Variants in METTL9 observed in about 807,000 individuals in gnomAD.
The protein encoded by METTL9 is protein-L-histidine N-pros-methyltransferase.
A neutral mutation model predicts 36.0 loss-of-function variants in METTL9; 10 were observed. That is an observed-to-expected ratio of 0.28 (90% CI 0.17 to 0.47). The LOEUF (loss-of-function observed/expected upper bound fraction) is 0.47, where lower values mean the gene tolerates loss of function less well. Among genes scored for constraint, METTL9 ranks in the 20% least tolerant of loss-of-function variants. The probability of loss-of-function intolerance (pLI) is 0.99; values close to 1 mark genes in which losing one functional copy is unlikely to be tolerated. For missense variants in METTL9, 246 were observed against 383.5 expected (o/e 0.64, Z 3.00); for synonymous variants, 175 against 149.7 (o/e 1.17, Z -1.23).
intron 4 of METTL9, among the ~76,000 whole-genome samples, chr16:21,638,627 A>G (rs898153123): frequency 6.6e-6 from 1 of 152,224 alleles, no homozygotes; most frequent in African/African-American, 2.4e-5. Context: ...GAAACAGATA[A>G]TGGCAGGAAA....
intron 1 of METTL9, among the ~76,000 whole-genome samples, chr16:21,603,093 A>G (rs890773526): frequency 2.0e-5 from 3 of 152,042 alleles, no homozygotes; most frequent in Admixed American, 1.3e-4. Context: ...GGCTTCTTAC[A>G]GAATAAAGAC....
At chr16:21,641,440 A>G (rs926447978) in intron 4 of METTL9, 13 of 597,834 alleles carry the variant, frequency 2.2e-5, no homozygotes, top group Non-Finnish European at 3.7e-5. Flanking sequence ...GTTTACCTTT[A>G]TTTTTTTTTA....
Position 21,647,346 on chromosome 16 carries a change from C to A in METTL9, c.752-7881C>A, listed in dbSNP as rs771885163. 3.1e-6 allele frequency: 5 copies of A among 1,614,184 alleles called. No homozygotes were observed. The South Asian group carries it at 5.5e-5, about 18-fold the overall frequency. On this transcript the variant is annotated intron_variant, in intron 4 of 4. Coordinates refer to ENST00000358154, the MANE Select transcript of METTL9 (RefSeq NM_016025.5). The stretch of plus-strand genomic sequence containing the variant: ...AAGCACAGGTTCTCAGGCTGGTGAG[C>A]ACCGTAGCGAAACCACAGGCATGTT...
chr16:21,629,598 G>A (rs1201323708), intron 4 of METTL9, among the ~76,000 whole-genome samples: 1 of 152,092 alleles, frequency 6.6e-6, no homozygotes, highest in Non-Finnish European at 1.5e-5. Flanking sequence ...GGTCTTGCTG[G>A]CCTCAGGAGT....
chr16:21,598,373 G>C (rs1005571335), upstream of METTL9, among the ~76,000 whole-genome samples: 24 of 143,862 alleles, frequency 1.7e-4, 1 homozygote, highest in South Asian at 5.3e-3. Context: ...AAAAAAAAAA[G>C]CTGTTGGGTA....
At chr16:21,600,323 A>C (rs1567322642) in intron 1 of METTL9, among the ~76,000 whole-genome samples, 1 of 152,118 alleles carries the variant, frequency 6.6e-6, no homozygotes, top group Non-Finnish European at 1.5e-5. Context: ...ACAAAACGAA[A>C]AGCCAGCCCC....
chr16:21,605,502 C>A (rs191630064), intron 1 of METTL9, among the ~76,000 whole-genome samples: 89 of 151,812 alleles, frequency 5.9e-4, no homozygotes, highest in South Asian at 5.0e-3. Flanking sequence ...GCCTCAGTCT[C>A]CCAAAGTGCT....
chr16:21,619,587 ATTTTTTTT>A (rs35728063), intron 3 of METTL9, among the ~76,000 whole-genome samples: 3 of 124,224 alleles, frequency 2.4e-5, no homozygotes, highest in South Asian at 2.7e-4. Flanking sequence ...TGCCCGGCTA[ATTTTTTTT>A]TTTTTTTTTT....
intron 3 of METTL9, among the ~76,000 whole-genome samples, chr16:21,618,506 T>C (rs892899577): frequency 3.9e-5 from 6 of 152,196 alleles, no homozygotes; most frequent in African/African-American, 1.4e-4. Flanking sequence ...ACGGAAACTC[T>C]GTACCCAATA....
chr16:21,600,007 C>T (rs538342506), intron 1 of METTL9, 109 bp downstream of exon 1: 44 of 958,946 alleles, frequency 4.6e-5, no homozygotes, highest in Middle Eastern at 4.0e-4. Flanking sequence ...CGGCCCTCGC[C>T]CCTCCGCCTC....
chr16:21,615,092 C>CA (rs1205006564), intron 2 of METTL9, among the ~76,000 whole-genome samples: 2 of 152,190 alleles, frequency 1.3e-5, no homozygotes, highest in African/African-American at 2.4e-5. Context: ...CCCTAGAGGG[C>CA]AAAATCAATC....
intron 3 of METTL9, among the ~76,000 whole-genome samples, chr16:21,621,386 C>CACAATCTCAGCTCACTGCA (rs1478278117): frequency 4.6e-5 from 7 of 151,216 alleles, no homozygotes; most frequent in Non-Finnish European, 1.0e-4. Flanking sequence ...AGTGCAGTGG[C>CACAATCTCAGCTCACTGCA]ACAATCTCAG....
At chr16:21,620,207 G>T (rs1158299597) in intron 3 of METTL9, among the ~76,000 whole-genome samples, 6 of 152,154 alleles carry the variant, frequency 3.9e-5, no homozygotes, top group Non-Finnish European at 8.8e-5. Flanking sequence ...TGCTGTTAGG[G>T]TTGTTATAGG....
At chr16:21,631,300 G>A (rs1280031925) in intron 4 of METTL9, among the ~76,000 whole-genome samples, 3 of 152,108 alleles carry the variant, frequency 2.0e-5, no homozygotes, top group African/African-American at 7.2e-5. Context: ...TAGAAGTTAG[G>A]ATAATATATG....
intron 1 of METTL9, among the ~76,000 whole-genome samples, chr16:21,608,208 A>G (rs1198215049): frequency 1.3e-5 from 2 of 152,174 alleles, no homozygotes; most frequent in Non-Finnish European, 2.9e-5. Context: ...CAAGCCACCC[A>G]GTGCTGCGAG....
At chr16:21,614,060 G>A (rs909019983) in intron 2 of METTL9, among the ~76,000 whole-genome samples, 5 of 151,974 alleles carry the variant, frequency 3.3e-5, no homozygotes, top group African/African-American at 7.3e-5. Flanking sequence ...TTCAGGCACC[G>A]CAAGCCATTT....
chr16:21,621,591 T>C (rs1250994019), intron 3 of METTL9, among the ~76,000 whole-genome samples: 1 of 151,986 alleles, frequency 6.6e-6, no homozygotes, highest in Non-Finnish European at 1.5e-5. Context: ...CCTCCCAAAG[T>C]GCTGGGATTA....
chr16:21,648,493 A>T (rs2141621062), intron 4 of METTL9, among the ~76,000 whole-genome samples: 1 of 152,256 alleles, frequency 6.6e-6, no homozygotes, highest in Admixed American at 6.5e-5. Flanking sequence ...TGTTGGAGAG[A>T]TGGTTGTGGA....
chr16:21,644,719 G>A (rs919069533), intron 4 of METTL9, among the ~76,000 whole-genome samples: 2 of 152,194 alleles, frequency 1.3e-5, no homozygotes, highest in Non-Finnish European at 2.9e-5. Flanking sequence ...CAGACAGTTT[G>A]TTCAAGGGCA....
Sources: gnomAD v4.1 joint callset for allele counts (sites outside exome capture counted in the v4.1 genomes callset) on GRCh38, gnomAD v4.1.1 for gene constraint, MANE v1.5 for transcripts, NCBI Gene and HGNC (gene_info 2026-07-23, HGNC 2026-07-21) for gene names.